Variants in TCAF1 observed in about 807,000 individuals in gnomAD.
TCAF1 encodes the protein TRPM8 channel-associated factor 1.
TCAF1 carries 4 observed loss-of-function variants against 27.3 expected under a neutral mutation model. The observed-to-expected ratio is 0.15, with a 90% CI of 0.07 to 0.34. TCAF1 has a LOEUF of 0.34. Ranked by LOEUF, TCAF1 falls within the 10% of genes least tolerant of loss-of-function variation. The pLI is 1.00. For synonymous variants in TCAF1, 105 were observed against 167.1 expected, an observed-to-expected ratio of 0.63 and a Z score of 2.87; for missense variants, 257 against 425.8, an observed-to-expected ratio of 0.60 and a Z score of 3.49.
chr7:143,897,035 T>C (rs1004833540), intron 1 of TCAF1, among the ~76,000 whole-genome samples: 2 of 149,194 alleles, frequency 1.3e-5, no homozygotes, highest in African/African-American at 4.9e-5. Context: ...AATGTACACA[T>C]ATTAACAATG....
At chr7:143,901,775 C>T (rs1353845162) in intron 1 of TCAF1, among the ~76,000 whole-genome samples, 186 bp downstream of exon 1, 1 of 152,152 alleles carries the variant, frequency 6.6e-6, no homozygotes, top group South Asian at 2.1e-4. Flanking sequence ...CATAACAATG[C>T]GGCGAGAATG....
At chr7:143,900,863 A>G (rs908355830) in intron 1 of TCAF1, among the ~76,000 whole-genome samples, 4 of 152,204 alleles carry the variant, frequency 2.6e-5, no homozygotes, top group Admixed American at 1.3e-4. Context: ...TGAATCTATA[A>G]AACTTAAGAA....
At position 143,851,590 on chromosome 7, in the gene TCAF1, A is replaced by G. The variant is rs1472684915; in HGVS notation, c.*2543T>C. 16 of 152,262 alleles carry G rather than the reference A, an allele frequency of 1.1e-4. No homozygotes were observed. The highest frequency in any genetic ancestry group is 1.9e-4 in the Non-Finnish European group (13 of 68,050). The allele number at this position is 152,262 out of a possible 1,614,324, so 9.4% of individuals were successfully genotyped here. On this transcript the variant is annotated 3_prime_UTR_variant, in exon 9 of 9. Coordinates refer to ENST00000479870, the MANE Select transcript of TCAF1 (RefSeq NM_014719.3). ...CTTTAAATAATATGTTTGAGCAATA[A>G]TTTCTTGACTTACTGACTTTACAAC... is the stretch of plus-strand genomic sequence containing the variant.
In TCAF1 at chr7:143,898,373, G is replaced by T. The variant is rs1009286736; in HGVS notation, c.-15+3588C>A. On this transcript the variant is annotated intron_variant, in intron 1 of 8. Coordinates refer to ENST00000479870, the MANE Select transcript of TCAF1 (RefSeq NM_014719.3). ...ATAAGACAGAAAAAATAAATTGAAGGTATGAGAATTAGAAACGAATAAACA... is the reference window on the plus strand; with the variant it reads ...ATAAGACAGAAAAAATAAATTGAAGTTATGAGAATTAGAAACGAATAAACA... 6.6e-5 allele frequency among the ~76,000 whole-genome samples: 10 copies of T among 151,932 alleles called. 1 individual carries two copies. Among genetic ancestry groups the T allele is most frequent in the African/African-American group, 2.4e-4 (10 of 41,378 alleles).
intron 2 of TCAF1, among the ~76,000 whole-genome samples, chr7:143,864,857 CTCT>C (rs1812096046): frequency 8.2e-6 from 1 of 122,474 alleles, no homozygotes; most frequent in African/African-American, 3.0e-5. Flanking sequence ...ATTCAACTAT[CTCT>C]TCTTGCTCTG....
chr7:143,900,200 C>T (rs1272716948), intron 1 of TCAF1, among the ~76,000 whole-genome samples: 1 of 152,178 alleles, frequency 6.6e-6, no homozygotes, highest in Non-Finnish European at 1.5e-5. Flanking sequence ...TAAAGTGGCC[C>T]CGATAATCCC....
At chr7:143,884,614 T>C (rs975065325) in intron 1 of TCAF1, among the ~76,000 whole-genome samples, 1 of 151,478 alleles carries the variant, frequency 6.6e-6, no homozygotes, top group Admixed American at 6.6e-5. Flanking sequence ...CAAAAACGCA[T>C]ACCTAAAAAT....
At chr7:143,874,525 G>A (rs1373449892) in intron 2 of TCAF1, among the ~76,000 whole-genome samples, 3 of 130,222 alleles carry the variant, frequency 2.3e-5, no homozygotes, top group Non-Finnish European at 3.2e-5. Flanking sequence ...GGAGCATTTG[G>A]GCATTTAGAG....
intron 2 of TCAF1, among the ~76,000 whole-genome samples, chr7:143,874,853 G>A (rs1326016319): frequency 6.6e-6 from 1 of 152,094 alleles, no homozygotes; most frequent in African/African-American, 2.4e-5. Context: ...TCAGATCTTT[G>A]CAAATCAGGT....
intron 1 of TCAF1, chr7:143,882,912 T>TC: frequency 1.0e-6 from 1 of 973,658 alleles, no homozygotes; most frequent in Non-Finnish European, 1.2e-6. Flanking sequence ...AGTCCCCTCC[T>TC]CCCCACTTCC....
intron 1 of TCAF1, among the ~76,000 whole-genome samples, chr7:143,878,815 T>A (rs1812858708): frequency 6.6e-6 from 1 of 152,208 alleles, no homozygotes; most frequent in Non-Finnish European, 1.5e-5. Flanking sequence ...CCTATTAATG[T>A]CCTTGTTCAT....
At chr7:143,882,639 G>GCCAACCCCCCCCCCC in intron 1 of TCAF1, 1 of 967,826 alleles carries the variant, frequency 1.0e-6, no homozygotes, top group Non-Finnish European at 1.2e-6. Flanking sequence ...CCCCGCCCCG[G>GCCAACCCCCCCCCCC]CCTCCCGCCC....
chr7:143,876,795 A>G (rs1038686679), intron 1 of TCAF1, among the ~76,000 whole-genome samples, 173 bp from the exon 2 acceptor site: 33 of 152,310 alleles, frequency 2.2e-4, no homozygotes, highest in African/African-American at 6.3e-4. Context: ...GGAGACCCCA[A>G]TGGGCCCTCT....
chr7:143,886,538 G>A, intron 1 of TCAF1: 1 of 984,554 alleles, frequency 1.0e-6, no homozygotes, highest in Non-Finnish European at 1.2e-6. Flanking sequence ...ATGTCCACTG[G>A]ATGGATGGAT....
At chr7:143,881,345 C>T (rs1248901856) in intron 1 of TCAF1, among the ~76,000 whole-genome samples, 1 of 152,160 alleles carries the variant, frequency 6.6e-6, no homozygotes, top group South Asian at 2.1e-4. Context: ...AGCCTGACCT[C>T]GAAAACTGGT....
chr7:143,900,427 G>A (rs537673754), intron 1 of TCAF1, among the ~76,000 whole-genome samples: 48 of 152,006 alleles, frequency 3.2e-4, no homozygotes, highest in Non-Finnish European at 5.4e-4. Flanking sequence ...TTATACAGAG[G>A]CCCATGTGGC....
chr7:143,887,584 A>G (rs915651496), intron 1 of TCAF1, among the ~76,000 whole-genome samples: 10 of 152,208 alleles, frequency 6.6e-5, no homozygotes, highest in Non-Finnish European at 1.3e-4. Context: ...TTTTCACTGA[A>G]GGACACGTAC....
intron 1 of TCAF1, among the ~76,000 whole-genome samples, chr7:143,888,693 A>G (rs1004704809): frequency 1.3e-5 from 2 of 152,244 alleles, no homozygotes; most frequent in African/African-American, 2.4e-5. Context: ...ATGCACATGC[A>G]TATCTTTTCT....
rs1246432885 is a variant in TCAF1, at chr7:143,859,987, A to ATTATATATT, written c.2167+220_2167+221insAATATATAA. On this transcript the variant is annotated intron_variant, in intron 6 of 8. Coordinates refer to ENST00000479870, the MANE Select transcript of TCAF1 (RefSeq NM_014719.3). ...ATATATTATATAATATATATTATAT[A>ATTATATATT]ATATATATTATATAATATATATATA... Among the ~76,000 whole-genome samples, 22 of 20,456 alleles carry ATTATATATT rather than the reference A, an allele frequency of 1.1e-3. 4 individuals carry two copies. Among genetic ancestry groups the ATTATATATT allele is most frequent in the African/African-American group, 2.5e-3 (21 of 8,282 alleles). The allele number at this position is 20,456 out of a possible 152,430, so 13.4% of individuals were successfully genotyped here.
Sources: allele counts gnomAD v4.1 joint callset (sites outside exome capture counted in the v4.1 genomes callset), GRCh38; gene constraint gnomAD v4.1.1; transcripts MANE v1.5; gene names NCBI Gene and HGNC (gene_info 2026-07-23, HGNC 2026-07-21).